The following CUX1 variants were observed in gnomAD, a reference collection of about 807,000 sequenced individuals.
CUX1 encodes the protein protein CASP.
CUX1 carries 31 observed loss-of-function variants against 158.8 expected under a neutral mutation model. The ratio of observed to expected loss-of-function variants is 0.20; its 90% CI spans 0.15 to 0.26. CUX1 has a LOEUF of 0.26. Ranked by LOEUF, CUX1 falls within the 10% of genes least tolerant of loss-of-function variation. CUX1 has a pLI of 1.00. For synonymous variants in CUX1, 879 were observed against 862.1 expected, an observed-to-expected ratio of 1.02 and a Z score of -0.34; for missense variants, 1,589 against 2,014.6, an observed-to-expected ratio of 0.79 and a Z score of 4.04.
chr7:101,842,175 T>C (rs1046656460), intron 1 of CUX1, among the ~76,000 whole-genome samples: 2 of 152,208 alleles, frequency 1.3e-5, no homozygotes. Context: ...CCTGGTTCTT[T>C]GGAATCTATG....
chr7:101,887,018 C>T (rs1440192924), intron 1 of CUX1, among the ~76,000 whole-genome samples: 6 of 152,194 alleles, frequency 3.9e-5, no homozygotes, highest in African/African-American at 1.4e-4. Flanking sequence ...ATACCATTGC[C>T]CAAAGGATGG....
At chr7:102,155,356 C>A (rs551480206) in intron 8 of CUX1, among the ~76,000 whole-genome samples, 112 of 134,854 alleles carry the variant, frequency 8.3e-4, no homozygotes, top group African/African-American at 3.0e-3. Context: ...CCAGCCTGGG[C>A]AACATGGTGA....
At chr7:102,275,726 G>A (rs558559487) in intron 17 of CUX1, among the ~76,000 whole-genome samples, 1 of 152,258 alleles carries the variant, frequency 6.6e-6, no homozygotes, top group African/African-American at 2.4e-5. Flanking sequence ...AATGCAGGGT[G>A]AGCCAGGTGC....
intron 1 of CUX1, among the ~76,000 whole-genome samples, chr7:101,859,440 G>A (rs181993875): frequency 2.8e-4 from 42 of 152,236 alleles, no homozygotes; most frequent in African/African-American, 1.0e-3. Context: ...GATCATCAAG[G>A]AAGCTTGCCA....
intron 20 of CUX1, chr7:102,281,711 A>C: frequency 3.0e-6 from 2 of 676,332 alleles, no homozygotes; most frequent in Non-Finnish European, 5.4e-6. Context: ...ATAATGATGG[A>C]ATAGGGGCCC....
chr7:102,025,382 C>T (rs1452337451), intron 2 of CUX1, among the ~76,000 whole-genome samples: 1 of 152,168 alleles, frequency 6.6e-6, no homozygotes, highest in Non-Finnish European at 1.5e-5. Flanking sequence ...ATCCACAGCA[C>T]TTCAGGAGAC....
chr7:102,255,334 TCTC>T lies in CUX1; in HGVS notation c.*6297_*6299del. 1 of 976,966 alleles carries T rather than the reference TCTC, an allele frequency of 1.0e-6. No individual in the cohort carries two copies. Among genetic ancestry groups the T allele is most frequent in the Non-Finnish European group, 1.2e-6 (1 of 828,834 alleles). The allele number at this position is 976,966 out of a possible 1,614,324, so 60.5% of individuals were successfully genotyped here. ...AACAAGACATTTCCAAAGCGCCTAG[TCTC>T]CTCCAAAATGCTAACTTTAAAAGTT... is the stretch of plus-strand genomic sequence containing the variant. On this transcript the variant is annotated 3_prime_UTR_variant, in exon 24 of 24. Transcript: ENST00000292535.
chr7:102,264,521 T>A (rs1790660507), intron 14 of CUX1, among the ~76,000 whole-genome samples: 1 of 152,088 alleles, frequency 6.6e-6, no homozygotes, highest in Non-Finnish European at 1.5e-5. Context: ...ATGGGGGCCT[T>A]GTCGGCTATT....
intron 1 of CUX1, among the ~76,000 whole-genome samples, chr7:101,853,764 T>C (rs919481146): frequency 3.3e-5 from 5 of 152,194 alleles, no homozygotes; most frequent in Non-Finnish European, 7.3e-5. Flanking sequence ...TCAGTGTTCC[T>C]GCTGGGTGGT....
intron 8 of CUX1, 60 bp from the exon 9 acceptor site, chr7:102,158,500 A>C: frequency 6.4e-7 from 1 of 1,562,948 alleles, no homozygotes; most frequent in Non-Finnish European, 8.8e-7. Flanking sequence ...CTGTCCCATC[A>C]GTCACCCCCT....
At chr7:102,026,813 G>A (rs1449224083) in intron 2 of CUX1, among the ~76,000 whole-genome samples, 2 of 86,160 alleles carry the variant, frequency 2.3e-5, no homozygotes, top group African/African-American at 1.1e-4. Context: ...GTGAGACTCC[G>A]TCTTTAAAAA....
intron 5 of CUX1, among the ~76,000 whole-genome samples, chr7:102,102,304 A>T (rs971210676): frequency 2.0e-5 from 3 of 151,272 alleles, no homozygotes; most frequent in Admixed American, 1.3e-4. Flanking sequence ...CGCGCCTGTA[A>T]TCTCAGCTAC....
intron 2 of CUX1, among the ~76,000 whole-genome samples, chr7:102,017,193 A>G (rs1422440494): frequency 7.9e-6 from 1 of 126,546 alleles, no homozygotes; most frequent in Non-Finnish European, 1.8e-5. Context: ...ACTCCCAGCT[A>G]CTCAGGAGAA....
At chr7:101,932,252 A>G (rs1452205473) in intron 2 of CUX1, 1 of 166,382 alleles carries the variant, frequency 6.0e-6, no homozygotes, top group Non-Finnish European at 1.3e-5. Context: ...CAGTAGCTTA[A>G]AGCCATTACT....
chr7:102,126,790 A>T (rs1832684140), intron 8 of CUX1, among the ~76,000 whole-genome samples: 5 of 152,152 alleles, frequency 3.3e-5, no homozygotes, highest in African/African-American at 1.2e-4. Context: ...CGTTCTATTT[A>T]TTGTGCACTT....
Position 101,845,533 on chromosome 7 carries a change from G to A in CUX1, c.30+27864G>A, listed in dbSNP as rs181933234. On this transcript the variant is annotated intron_variant, in intron 1 of 23. Coordinates refer to ENST00000292535, the MANE Select transcript of CUX1 (RefSeq NM_181552.4). ...CCACTGGCCTTAGCCTGTGGTGTGG[G>A]GATGAAAGTGGGGAGGGAATAGAGG... Among the ~76,000 whole-genome samples, 424 of 152,276 alleles carry A rather than the reference G, an allele frequency of 2.8e-3. 7 individuals are homozygous for A. The highest frequency in any genetic ancestry group is 0.026 in the Admixed American group (399 of 15,280).
At chr7:101,953,539 T>A (rs1809366922) in intron 2 of CUX1, among the ~76,000 whole-genome samples, 1 of 152,196 alleles carries the variant, frequency 6.6e-6, no homozygotes, top group African/African-American at 2.4e-5. Flanking sequence ...ACTTCTCTTT[T>A]AGTAAGAAAT....
intron 2 of CUX1, among the ~76,000 whole-genome samples, chr7:101,955,188 A>G (rs1809607896): frequency 6.6e-6 from 1 of 150,916 alleles, no homozygotes; most frequent in African/African-American, 2.4e-5. Context: ...ATGCAGGTTC[A>G]AGGAAGGGAG....
chr7:101,888,497 A>G (rs1254362855), intron 1 of CUX1, among the ~76,000 whole-genome samples: 1 of 152,192 alleles, frequency 6.6e-6, no homozygotes, highest in East Asian at 1.9e-4. Context: ...CTCCATGTTC[A>G]TACCGCCAGC....
Sources: gnomAD v4.1 joint callset for allele counts (sites outside exome capture counted in the v4.1 genomes callset) on GRCh38, gnomAD v4.1.1 for gene constraint, MANE v1.5 for transcripts, NCBI Gene and HGNC (gene_info 2026-07-23, HGNC 2026-07-21) for gene names.